Variants in STX17 observed in about 807,000 individuals in gnomAD.
STX17 encodes the protein syntaxin 17.
A neutral mutation model predicts 35.9 loss-of-function variants in STX17; 29 were observed. That is an observed-to-expected ratio of 0.81 (90% CI 0.60 to 1.10). The LOEUF is 1.10. Among genes scored for constraint, STX17 ranks in the 50% least tolerant of loss-of-function variants. The probability of loss-of-function intolerance (pLI) is 0.00; values close to 1 mark genes in which losing one functional copy is unlikely to be tolerated. For missense variants in STX17, 312 were observed against 352.3 expected, an observed-to-expected ratio of 0.89 and a Z score of 0.92; for synonymous variants, 92 against 118.3, an observed-to-expected ratio of 0.78 and a Z score of 1.44.
chr9:99,940,463 A>G (rs952312401), intron 3 of STX17, among the ~76,000 whole-genome samples: 1 of 142,632 alleles, frequency 7.0e-6, no homozygotes, highest in Non-Finnish European at 1.5e-5. Flanking sequence ...TATAGTGTAG[A>G]ATTTTACTTT....
At chr9:99,959,163 G>C (rs1239468135) in intron 4 of STX17, among the ~76,000 whole-genome samples, 1 of 152,112 alleles carries the variant, frequency 6.6e-6, no homozygotes, top group South Asian at 2.1e-4. Flanking sequence ...TTTTCTTTTG[G>C]TGCTTCTTCC....
intron 4 of STX17, among the ~76,000 whole-genome samples, chr9:99,956,279 A>G (rs1477116019): frequency 1.3e-5 from 2 of 152,238 alleles, no homozygotes; most frequent in African/African-American, 4.8e-5. Context: ...TTATTTTTTT[A>G]GATTAAGTAT....
intron 6 of STX17, 175 bp from the exon 7 acceptor site, chr9:99,967,478 T>C (rs1286471590): frequency 2.1e-5 from 8 of 382,014 alleles, no homozygotes; most frequent in Non-Finnish European, 3.8e-5. Flanking sequence ...CCCCCTTTTT[T>C]TTATGAAAGT....
In STX17 at chr9:99,916,390, C is replaced by CATTTATTT. The variant is rs146484577; in HGVS notation, c.123+1064_123+1071dup. Among the ~76,000 whole-genome samples, 83 of 141,924 alleles carry CATTTATTT rather than the reference C, an allele frequency of 5.8e-4. 1 individual carries two copies. The highest frequency in any genetic ancestry group is 3.5e-3 in the Middle Eastern group (1 of 282). The allele number at this position is 141,924 out of a possible 152,430, so 93.1% of individuals were successfully genotyped here. ...CATAAGTCTTAAGCTGCAGAACCTC[C>CATTTATTT]ATTTATTTATTTATTTATTTATTTA... On this transcript the variant is annotated intron_variant, in intron 2 of 7. Transcript: ENST00000259400.
rs1174609161 is a variant in STX17, at chr9:99,972,722, G to A, written c.*4049G>A. Among the ~76,000 whole-genome samples, 2 of 152,208 alleles carry A rather than the reference G, an allele frequency of 1.3e-5. No individual in the cohort carries two copies. The highest frequency in any genetic ancestry group is 2.4e-5 in the African/African-American group (1 of 41,458). Reference sequence around the variant, plus strand: ...AATATACAACGTTTGTCTTCCATCAGAGTGCAGAAACCAAACCATGCTTTG... The same window carrying A: ...AATATACAACGTTTGTCTTCCATCAAAGTGCAGAAACCAAACCATGCTTTG... On this transcript the variant is annotated 3_prime_UTR_variant, in exon 8 of 8. Coordinates refer to ENST00000259400, the MANE Select transcript of STX17 (RefSeq NM_017919.3).
intron 2 of STX17, among the ~76,000 whole-genome samples, chr9:99,915,697 A>G (rs1587910573): frequency 1.3e-5 from 2 of 152,056 alleles, no homozygotes; most frequent in South Asian, 4.1e-4. Flanking sequence ...GGCTCAAGCT[A>G]TCTACACACC....
chr9:99,952,957 G>A (rs1587935438), intron 4 of STX17, among the ~76,000 whole-genome samples: 1 of 151,682 alleles, frequency 6.6e-6, no homozygotes, highest in African/African-American at 2.4e-5. Flanking sequence ...CAGCACACCA[G>A]CATGGCACAT....
intron 1 of STX17, chr9:99,914,138 G>C (rs751277399): frequency 1.3e-5 from 2 of 151,924 alleles, no homozygotes; most frequent in African/African-American, 4.8e-5. Context: ...AGATTCAGTG[G>C]CTCCACAAAG....
intron 1 of STX17, chr9:99,906,914 A>G (rs1173077734): frequency 2.0e-5 from 3 of 152,250 alleles, no homozygotes; most frequent in African/African-American, 7.2e-5. Flanking sequence ...GGAAGCTGGT[A>G]TAGGGAGGCC....
intron 4 of STX17, among the ~76,000 whole-genome samples, chr9:99,957,353 C>T (rs1829728400): frequency 6.6e-6 from 1 of 152,094 alleles, no homozygotes; most frequent in Non-Finnish European, 1.5e-5. Flanking sequence ...AATGCAGTCT[C>T]CTATTGTTTT....
At chr9:99,965,426 T>C (rs1342443465) in intron 6 of STX17, among the ~76,000 whole-genome samples, 4 of 152,144 alleles carry the variant, frequency 2.6e-5, no homozygotes, top group Non-Finnish European at 5.9e-5. Flanking sequence ...ATTTTGGGGC[T>C]GAAGGAAGGG....
chr9:99,909,594 G>A (rs1587906524), intron 1 of STX17, among the ~76,000 whole-genome samples: 1 of 152,162 alleles, frequency 6.6e-6, no homozygotes, highest in African/African-American at 2.4e-5. Context: ...GAGTTAATAA[G>A]AGAAAGACAT....
chr9:99,958,792 G>C lies in STX17; in HGVS notation c.416-1125G>C, dbSNP rs142715997. ...GGTAAAACCAATATGAGGAAATAAA[G>C]ACTTGAAGGTAGATTTTAAAGTGTG... is the stretch of plus-strand genomic sequence containing the variant. On this transcript the variant is annotated intron_variant, in intron 4 of 7. Transcript: ENST00000259400. Among the ~76,000 whole-genome samples, 771 of 152,312 alleles carry C rather than the reference G, an allele frequency of 5.1e-3. 6 individuals are homozygous for C. The highest frequency in any genetic ancestry group is 0.017 in the African/African-American group (702 of 41,568).
chr9:99,910,964 G>A (rs570300149), intron 1 of STX17, among the ~76,000 whole-genome samples: 3 of 151,794 alleles, frequency 2.0e-5, no homozygotes, highest in Admixed American at 6.6e-5. Context: ...CTCCTACCTC[G>A]GCTTCCTGAG....
intron 2 of STX17, among the ~76,000 whole-genome samples, chr9:99,919,647 G>A (rs1249256598): frequency 6.6e-6 from 1 of 152,158 alleles, no homozygotes; most frequent in Non-Finnish European, 1.5e-5. Context: ...GAGTAGAGAT[G>A]AATATTTGTG....
chr9:99,955,253 G>A (rs1007509959), intron 4 of STX17, among the ~76,000 whole-genome samples: 1 of 152,048 alleles, frequency 6.6e-6, no homozygotes, highest in Admixed American at 6.6e-5. Flanking sequence ...GGGAACTTCA[G>A]ACCAGCGTAT....
chr9:99,919,690 T>C (rs1218699713), intron 2 of STX17, among the ~76,000 whole-genome samples: 5 of 152,232 alleles, frequency 3.3e-5, no homozygotes, highest in Non-Finnish European at 5.9e-5. Context: ...GAAGGGAGAT[T>C]ATTTATTATA....
At chr9:99,938,210 A>G (rs913499027) in intron 3 of STX17, 1 of 152,174 alleles carries the variant, frequency 6.6e-6, no homozygotes, top group Non-Finnish European at 1.5e-5. Context: ...ATACCGATGT[A>G]TCACTGATCC....
intron 4 of STX17, among the ~76,000 whole-genome samples, chr9:99,959,138 G>A (rs1168945645): frequency 6.6e-6 from 1 of 152,116 alleles, no homozygotes; most frequent in Non-Finnish European, 1.5e-5. Context: ...TTGGAACATT[G>A]GCCAAGTAGA....
Sources: allele counts gnomAD v4.1 joint callset (sites outside exome capture counted in the v4.1 genomes callset), GRCh38; gene constraint gnomAD v4.1.1; transcripts MANE v1.5; gene names NCBI Gene and HGNC (gene_info 2026-07-23, HGNC 2026-07-21).